The following LINGO2 variants were observed in gnomAD, a reference collection of about 807,000 sequenced individuals.
LINGO2 encodes the protein leucine rich repeat and Ig domain containing 2.
A neutral mutation model predicts 30.6 loss-of-function variants in LINGO2; 14 were observed. The ratio of observed to expected loss-of-function variants is 0.46; its 90% CI spans 0.30 to 0.72. The LOEUF (loss-of-function observed/expected upper bound fraction) is 0.72. Among genes scored for constraint, LINGO2 ranks in the 30% least tolerant of loss-of-function variants. The pLI is 0.07. For synonymous variants in LINGO2, 317 were observed against 288.5 expected, an observed-to-expected ratio of 1.10 and a Z score of -1.00; for missense variants, 729 against 751.7, an observed-to-expected ratio of 0.97 and a Z score of 0.35.
At chr9:29,101,542 C>T in the LINGO2 span, among the ~76,000 whole-genome samples, 1 of 152,142 alleles carries the variant, frequency 6.6e-6, no homozygotes, top group Non-Finnish European at 1.5e-5. Flanking sequence ...TTCCCCTCCC[C>T]CGTGTAGTGT....
chr9:28,329,746 C>T lies in LINGO2; in HGVS notation c.-245-34380G>A, dbSNP rs1357497615. The stretch of plus-strand genomic sequence containing the variant: ...TTAACTTGCCCTTCAAGACTTCAAA[C>T]AGGCATGACCTTTTCCATGCAGACC... On this transcript the variant is annotated intron_variant, in intron 3 of 5. Transcript: ENST00000379992. The surrounding 1 kb of genome is among the most constrained non-coding windows in gnomAD (Gnocchi z 4.5). Among the ~76,000 whole-genome samples the T allele has an allele frequency of 6.6e-6, 1 of 152,112 alleles. No individual in the cohort carries two copies. Among genetic ancestry groups the T allele is most frequent in the Admixed American group, 6.6e-5 (1 of 15,258 alleles).
intron 2 of LINGO2, among the ~76,000 whole-genome samples, chr9:28,430,096 A>ACGCGCGTG (rs56281431): frequency 0.017 from 1,156 of 66,950 alleles, 6 homozygotes; most frequent in Admixed American, 0.033. Context: ...GCTGATTTCC[A>ACGCGCGTG]CGCGCGCGCG....
At chr9:28,216,291 A>T (rs1035416128) in intron 4 of LINGO2, among the ~76,000 whole-genome samples, 3 of 151,978 alleles carry the variant, frequency 2.0e-5, no homozygotes, top group African/African-American at 7.2e-5. Flanking sequence ...TTCAACTAGG[A>T]TAAAATTTTG....
At chr9:27,993,671 G>T (rs1563891346) in intron 5 of LINGO2, among the ~76,000 whole-genome samples, 1 of 151,926 alleles carries the variant, frequency 6.6e-6, no homozygotes, top group Non-Finnish European at 1.5e-5. Flanking sequence ...GTTAATAATT[G>T]GTAATTTATT....
At chr9:28,480,233 C>T (rs1374637256) in intron 1 of LINGO2, among the ~76,000 whole-genome samples, 1 of 151,528 alleles carries the variant, frequency 6.6e-6, no homozygotes, top group African/African-American at 2.4e-5. Flanking sequence ...TTAATAAGAG[C>T]TGGTCAGTTC....
chr9:28,844,941 C>T, the LINGO2 span, among the ~76,000 whole-genome samples: 1 of 151,852 alleles, frequency 6.6e-6, no homozygotes, highest in Non-Finnish European at 1.5e-5. Flanking sequence ...TTGTTCTCTT[C>T]TTTATCATTT....
chr9:28,943,129 C>A, the LINGO2 span, among the ~76,000 whole-genome samples: 1 of 152,226 alleles, frequency 6.6e-6, no homozygotes, highest in Admixed American at 6.5e-5. Context: ...GTATTAAGGG[C>A]TAAGGTAAAG....
intron 5 of LINGO2, among the ~76,000 whole-genome samples, chr9:27,956,258 T>C (rs1383573456): frequency 6.6e-6 from 1 of 152,142 alleles, no homozygotes; most frequent in African/African-American, 2.4e-5. Flanking sequence ...CTTTTATATG[T>C]TATCCATTCT....
At chr9:29,157,865 G>GTAC in the LINGO2 span, among the ~76,000 whole-genome samples, 2 of 151,886 alleles carry the variant, frequency 1.3e-5, no homozygotes, top group African/African-American at 4.8e-5. Flanking sequence ...TCATGAAACA[G>GTAC]TACTATACAC....
In LINGO2 at chr9:28,011,461, G is replaced by A. The variant is rs10968279; in HGVS notation, c.-36+894C>T. The stretch of plus-strand genomic sequence containing the variant: ...CTTAGGAACATGGAAGAGTAGCTGA[G>A]TAACTTTTAAGGACAGTAAGCAATT... On this transcript the variant is annotated intron_variant, in intron 5 of 5. Coordinates refer to ENST00000379992, the Ensembl canonical transcript of LINGO2. Among the ~76,000 whole-genome samples, 2,246 of 152,194 alleles carry A rather than the reference G, an allele frequency of 0.015. 238 individuals are homozygous for A. In the East Asian group the frequency reaches 0.29, roughly 19 times the overall value.
chr9:29,078,548 T>C, the LINGO2 span, among the ~76,000 whole-genome samples: 1 of 152,010 alleles, frequency 6.6e-6, no homozygotes, highest in African/African-American at 2.4e-5. Context: ...TTGGTATTAG[T>C]CATCTCCTAT....
chr9:28,904,138 AG>A, the LINGO2 span, among the ~76,000 whole-genome samples: 1 of 148,966 alleles, frequency 6.7e-6, no homozygotes, highest in Admixed American at 6.8e-5. Context: ...ATACAGAAAA[AG>A]CTTTTGACAA....
chr9:28,710,784 A>G, the LINGO2 span, among the ~76,000 whole-genome samples: 995 of 152,262 alleles, frequency 6.5e-3, 25 homozygotes, highest in Admixed American at 0.036. Context: ...GTTGAATAAT[A>G]TATGCTTCCC....
intron 5 of LINGO2, among the ~76,000 whole-genome samples, chr9:27,959,767 TAA>T (rs142415515): frequency 0.019 from 2,949 of 152,244 alleles, 99 homozygotes; most frequent in African/African-American, 0.068. Context: ...AAGCAGTCTT[TAA>T]AAGTCATTAA....
the LINGO2 span, among the ~76,000 whole-genome samples, chr9:28,975,879 A>C: frequency 2.6e-3 from 394 of 152,284 alleles, no homozygotes; most frequent in Non-Finnish European, 4.4e-3. Context: ...AAATGACTGA[A>C]CTTCAGTTTC....
the LINGO2 span, among the ~76,000 whole-genome samples, chr9:28,797,355 T>TAG: frequency 0.019 from 1,105 of 59,058 alleles, 6 homozygotes; most frequent in Middle Eastern, 0.035. Context: ...TATATATATA[T>TAG]ATATAGAGAG....
intron 4 of LINGO2, among the ~76,000 whole-genome samples, chr9:28,189,293 A>G (rs1311698531): frequency 0.013 from 204 of 15,392 alleles, 14 homozygotes; most frequent in South Asian, 0.048. Flanking sequence ...GGGAGGGAGG[A>G]AGGAAGGAAG....
intron 4 of LINGO2, among the ~76,000 whole-genome samples, chr9:28,238,303 A>G (rs1414177807): frequency 6.6e-6 from 1 of 152,170 alleles, no homozygotes; most frequent in Non-Finnish European, 1.5e-5. Flanking sequence ...AATGAACCTA[A>G]TAGATATATA....
At chr9:29,096,719 A>T in the LINGO2 span, among the ~76,000 whole-genome samples, 1 of 140,684 alleles carries the variant, frequency 7.1e-6, no homozygotes, top group Non-Finnish European at 1.6e-5. Context: ...AATCAAAAAC[A>T]AAATGTTCTT....
Sources: gnomAD v4.1 joint callset for allele counts (sites outside exome capture counted in the v4.1 genomes callset) on GRCh38, gnomAD v4.1.1 for gene constraint, Gnocchi (gnomAD v3.1) non-coding constraint, MANE v1.5 for transcripts, NCBI Gene and HGNC (gene_info 2026-07-23, HGNC 2026-07-21) for gene names.